Variants in GPC5 observed in about 807,000 individuals in gnomAD.
GPC5 encodes glypican 5, also known as glypican-5.
A neutral mutation model predicts 53.9 loss-of-function variants in GPC5; 47 were observed. The ratio of observed to expected loss-of-function variants is 0.87; its 90% CI spans 0.69 to 1.11. GPC5 has a LOEUF of 1.11. Among genes scored for constraint, GPC5 ranks in the 50% most tolerant of loss-of-function variants. The pLI is 0.00. For missense variants in GPC5, 748 were observed against 713.1 expected, an observed-to-expected ratio of 1.05 and a Z score of -0.56; for synonymous variants, 286 against 263.3, an observed-to-expected ratio of 1.09 and a Z score of -0.84.
intron 7 of GPC5, among the ~76,000 whole-genome samples, chr13:92,246,365 A>G (rs2042650926): frequency 6.6e-6 from 1 of 152,138 alleles, no homozygotes. Context: ...CATTATGATA[A>G]TATGTCTACT....
chr13:92,842,936 G>A (rs2138835408), intron 7 of GPC5, among the ~76,000 whole-genome samples: 1 of 152,068 alleles, frequency 6.6e-6, no homozygotes, highest in Non-Finnish European at 1.5e-5. Context: ...TGACCTGGAA[G>A]GAAAAAAATT....
intron 7 of GPC5, among the ~76,000 whole-genome samples, chr13:92,486,815 G>T (rs1879571977): frequency 6.6e-6 from 1 of 151,902 alleles, no homozygotes; most frequent in Non-Finnish European, 1.5e-5. Context: ...GTGATTCGTG[G>T]TCATGTGGCT....
At chr13:91,967,970 A>G (rs1389829866) in intron 6 of GPC5, among the ~76,000 whole-genome samples, 1 of 152,070 alleles carries the variant, frequency 6.6e-6, no homozygotes, top group Admixed American at 6.6e-5. Flanking sequence ...TTCATTTTCT[A>G]AATTTTCTGT....
intron 7 of GPC5, among the ~76,000 whole-genome samples, chr13:92,663,856 CTATATATATATATATA>C (rs201565650): frequency 0.17 from 14,728 of 87,904 alleles, 1,481 homozygotes; most frequent in Non-Finnish European, 0.23. Flanking sequence ...CACACACACA[CTATATATATATATATA>C]TATATATATA....
intron 2 of GPC5, among the ~76,000 whole-genome samples, chr13:91,471,720 C>G (rs1171481657): frequency 6.6e-6 from 1 of 152,128 alleles, no homozygotes; most frequent in Non-Finnish European, 1.5e-5. Flanking sequence ...ACTCGGAGAT[C>G]ATTTCTTCCT....
intron 4 of GPC5, among the ~76,000 whole-genome samples, chr13:91,736,601 T>A (rs1438197055): frequency 1.3e-5 from 2 of 151,394 alleles, no homozygotes; most frequent in Non-Finnish European, 2.9e-5. Flanking sequence ...AAGGAAAGAT[T>A]ACTTAAAAAA....
intron 6 of GPC5, among the ~76,000 whole-genome samples, chr13:92,112,063 G>A (rs1270049168): frequency 6.6e-6 from 1 of 152,138 alleles, no homozygotes; most frequent in Non-Finnish European, 1.5e-5. Flanking sequence ...GCCTAAATTT[G>A]AATAAGAGGT....
At chr13:92,503,764 T>C (rs1299273472) in intron 7 of GPC5, among the ~76,000 whole-genome samples, 1 of 151,888 alleles carries the variant, frequency 6.6e-6, no homozygotes, top group Non-Finnish European at 1.5e-5. Flanking sequence ...GTTTGTCAAA[T>C]TGCATGAAAT....
At chr13:92,301,853 G>A (rs575628971) in intron 7 of GPC5, among the ~76,000 whole-genome samples, 27 of 152,208 alleles carry the variant, frequency 1.8e-4, no homozygotes, top group African/African-American at 4.6e-4. Flanking sequence ...AAACGAGATC[G>A]TGCCACTGCA....
chr13:92,548,078 A>C (rs1019686807), intron 7 of GPC5, among the ~76,000 whole-genome samples: 3 of 149,494 alleles, frequency 2.0e-5, no homozygotes, highest in African/African-American at 7.4e-5. Context: ...TGACCTCGTG[A>C]TCCGCCCGCC....
At position 91,865,467 on chromosome 13, in the gene GPC5, T is replaced by G. The variant is rs547751449; in HGVS notation, c.1281-42470T>G. On this transcript the variant is annotated intron_variant, in intron 5 of 7. Transcript: ENST00000377067. Reference sequence around the variant, plus strand: ...GCCAACTATTTGATATAAAATTCTGTAGCAGTGGAGAGGTGAAGAAGAGCT... The same window carrying G: ...GCCAACTATTTGATATAAAATTCTGGAGCAGTGGAGAGGTGAAGAAGAGCT... 1.1e-4 allele frequency among the ~76,000 whole-genome samples: 16 copies of G among 152,274 alleles called. No individual in the cohort carries two copies. The East Asian group carries it at 3.1e-3, about 29-fold the overall frequency.
chr13:91,994,068 A>G (rs1310867410), intron 6 of GPC5, among the ~76,000 whole-genome samples: 2 of 152,248 alleles, frequency 1.3e-5, no homozygotes, highest in Admixed American at 6.5e-5. Context: ...TGTTTTACTG[A>G]ATCTTTGAAC....
At chr13:91,915,831 T>C (rs905642558) in intron 6 of GPC5, among the ~76,000 whole-genome samples, 6 of 152,154 alleles carry the variant, frequency 3.9e-5, no homozygotes, top group Non-Finnish European at 8.8e-5. Flanking sequence ...AATTATAAAA[T>C]CTAAAAGGTA....
chr13:91,727,508 T>C (rs913605997), intron 3 of GPC5, among the ~76,000 whole-genome samples: 1 of 152,178 alleles, frequency 6.6e-6, no homozygotes, highest in Non-Finnish European at 1.5e-5. Flanking sequence ...ATTATAACAT[T>C]TAATATATGT....
At chr13:91,617,646 C>T (rs1214576626) in intron 2 of GPC5, among the ~76,000 whole-genome samples, 3 of 152,046 alleles carry the variant, frequency 2.0e-5, no homozygotes, top group African/African-American at 7.2e-5. Context: ...CTCCCTCCCT[C>T]CTTTCTTTTC....
At chr13:92,277,456 G>C (rs1052036801) in intron 7 of GPC5, among the ~76,000 whole-genome samples, 2 of 151,920 alleles carry the variant, frequency 1.3e-5, no homozygotes, top group African/African-American at 4.8e-5. Flanking sequence ...TCAACAATTA[G>C]GATAGCTTGT....
At chr13:92,062,427 T>C (rs2041132040) in intron 6 of GPC5, among the ~76,000 whole-genome samples, 1 of 151,980 alleles carries the variant, frequency 6.6e-6, no homozygotes, top group Non-Finnish European at 1.5e-5. Context: ...TAAATCAGAG[T>C]GTTTCCTTTA....
intron 2 of GPC5, among the ~76,000 whole-genome samples, chr13:91,531,032 G>A (rs868868112): frequency 9.9e-5 from 15 of 152,016 alleles, no homozygotes; most frequent in African/African-American, 3.6e-4. Flanking sequence ...ATTCTCTTAC[G>A]TTGTACCCAC....
chr13:91,469,306 A>C (rs1322592959), intron 2 of GPC5, among the ~76,000 whole-genome samples: 1 of 151,934 alleles, frequency 6.6e-6, no homozygotes, highest in Admixed American at 6.6e-5. Context: ...ATGGGGTTTT[A>C]TTGTTTTGGC....
Sources: gnomAD v4.1 joint callset for allele counts (sites outside exome capture counted in the v4.1 genomes callset) on GRCh38, gnomAD v4.1.1 for gene constraint, MANE v1.5 for transcripts, NCBI Gene and HGNC (gene_info 2026-07-23, HGNC 2026-07-21) for gene names.